The following DYNC1H1 variants were observed in gnomAD, a reference collection of about 807,000 sequenced individuals.
The protein encoded by DYNC1H1 is dynein cytoplasmic 1 heavy chain 1, also known as cytoplasmic dynein 1 heavy chain 1.
A neutral mutation model predicts 527.1 loss-of-function variants in DYNC1H1; 51 were observed. The observed-to-expected ratio is 0.10, with a 90% CI of 0.08 to 0.12. The LOEUF is 0.12. Ranked by LOEUF, DYNC1H1 falls within the 10% of genes least tolerant of loss-of-function variation. DYNC1H1 has a pLI of 1.00. For synonymous variants in DYNC1H1, 2,189 were observed against 2,278.8 expected (o/e 0.96, Z 1.12); for missense variants, 2,771 against 5,971.8 (o/e 0.46, Z 17.66).
Position 101,998,879 on chromosome 14 carries a change from C to CTTTTTTTTTTTTTTTTTTTTTTTTTT in DYNC1H1, c.3805-1090_3805-1089insTTTTTTTTTTTTTTTTTTTTTTTTTT, listed in dbSNP as rs888317854. ...TAATGTGTTAGAGTTAAAACTTTTTCTTTTTTTTTTTTTTTTTTTTGAGAC... is the reference window on the plus strand; with the variant it reads ...TAATGTGTTAGAGTTAAAACTTTTTCTTTTTTTTTTTTTTTTTTTTTTTTTTTTTTTTTTTTTTTTTTTTTTGAGAC... On this transcript the variant is annotated intron_variant, in intron 16 of 77. Transcript: ENST00000360184. Among the ~76,000 whole-genome samples, 9 of 115,214 alleles carry CTTTTTTTTTTTTTTTTTTTTTTTTTT rather than the reference C, an allele frequency of 7.8e-5. 1 individual carries two copies. The highest frequency in any genetic ancestry group is 3.4e-4 in the African/African-American group (9 of 26,550). 75.6% of individuals were successfully genotyped at this position (115,214 alleles called of 152,430 possible). A position where few individuals can be genotyped will look rare whatever the true frequency, so the allele number is the denominator to read the frequency against.
chr14:101,995,883 A>G (rs1217217964), intron 15 of DYNC1H1, among the ~76,000 whole-genome samples: 1 of 151,830 alleles, frequency 6.6e-6, no homozygotes, highest in Non-Finnish European at 1.5e-5. Flanking sequence ...CAACATAGTG[A>G]AACCCCATCT....
At chr14:102,014,986 C>G in intron 34 of DYNC1H1, 119 bp from the exon 35 acceptor site, 1 of 1,189,826 alleles carries the variant, frequency 8.4e-7, no homozygotes, top group Non-Finnish European at 1.2e-6. Context: ...TGGCTACTTT[C>G]TGTATAGGAA....
rs2048497944 is a variant in DYNC1H1, at chr14:102,030,450, C to T, written c.9883+168C>T. ...GCTTTTTCTGAATGCTTGAGATTGT[C>T]TTCATCTCTCAAAGCAAAGTTCCTA... On this transcript the variant is annotated intron_variant, in intron 51 of 77. Coordinates refer to ENST00000360184, the MANE Select transcript of DYNC1H1 (RefSeq NM_001376.5). 3 of 981,984 alleles carry T rather than the reference C, an allele frequency of 3.1e-6. No individual in the cohort carries two copies. The African/African-American group carries it at 4.9e-5, about 16-fold the overall frequency. 60.8% of individuals were successfully genotyped at this position (981,984 alleles called of 1,614,324 possible).
rs565397823 is a variant in DYNC1H1 at position 101,975,427 on chromosome 14, C to T, written c.257-285C>T. ...GCCAGCAGCGGCTAGCACTGCCCAC[C>T]GCCAGGCCCTGTTCCAGTGCTTTCA... is the stretch of plus-strand genomic sequence containing the variant. On this transcript the variant is annotated intron_variant, in intron 1 of 77. Transcript: ENST00000360184. Among the ~76,000 whole-genome samples, 5 of 152,314 alleles carry T rather than the reference C, an allele frequency of 3.3e-5. No individual in the cohort carries two copies. In the South Asian group the frequency reaches 8.3e-4, roughly 25 times the overall value.
chr14:102,050,427 T>C lies in DYNC1H1; in HGVS notation c.13813-8T>C. ...TTAAGCCACCAGTAAACCCCTCTGC[T>C]TCTGCAGGTAACCTTACCTGTCTAC... is the stretch of plus-strand genomic sequence containing the variant. On this transcript the variant is annotated splice_polypyrimidine_tract_variant and splice_region_variant and intron_variant, in intron 77 of 77. Transcript: ENST00000360184. 1.9e-6 allele frequency: 3 copies of C among 1,614,188 alleles called. No individual in the cohort carries two copies. The South Asian group carries it at 3.3e-5, about 18-fold the overall frequency.
At chr14:102,043,567 G>A in intron 69 of DYNC1H1, 2 of 411,092 alleles carry the variant, frequency 4.9e-6, no homozygotes, top group Non-Finnish European at 9.2e-6. Context: ...GGGGGATTGT[G>A]GCAGGGGTTT....
chr14:102,003,962 C>T (rs1020791847), intron 23 of DYNC1H1, among the ~76,000 whole-genome samples: 5 of 150,382 alleles, frequency 3.3e-5, no homozygotes, highest in African/African-American at 1.2e-4. Flanking sequence ...AACTTACTGG[C>T]CCGGCGCGGT....
Position 102,016,018 on chromosome 14 carries a change from G to A in DYNC1H1, c.7405G>A (p.Val2469Met), listed in dbSNP as rs2152582047. 3 of 1,613,742 alleles carry A rather than the reference G, an allele frequency of 1.9e-6. No individual in the cohort carries two copies. Among genetic ancestry groups the A allele is most frequent in the Non-Finnish European group, 1.7e-6 (2 of 1,179,966 alleles). Residue 2469 changes from valine to methionine, a missense_variant, in exon 36 of 78, where the codon GTG becomes ATG. By Grantham distance (21) the Val-to-Met change is conservative. Coordinates refer to ENST00000360184, the MANE Select transcript of DYNC1H1 (RefSeq NM_001376.5). This position sits in a 1 kb window ranked among gnomAD's most constrained non-coding sequence, Gnocchi z 7.3. ...CATGCTGCACCAGGCCTGCCGCAAC[G>A]TGGCGCAGTATAACGCCAACCATCC... ...FSMLHQACRNVAQYNANHPDF... is the reference protein window; with the variant it reads ...FSMLHQACRNMAQYNANHPDF...
In DYNC1H1 at chr14:101,997,755, T is replaced by C. The variant is rs1421900914; in HGVS notation, c.3804+481T>C. 2.6e-5 allele frequency among the ~76,000 whole-genome samples: 4 copies of C among 152,214 alleles called. No homozygotes were observed. Among genetic ancestry groups the C allele is most frequent in the Non-Finnish European group, 5.9e-5 (4 of 68,030 alleles). Reference sequence around the variant, plus strand: ...CCACTTTTCTTCATGCATTGAAGTATTTATTGAGCACCGACTGTGTTCCAG... The same window carrying C: ...CCACTTTTCTTCATGCATTGAAGTACTTATTGAGCACCGACTGTGTTCCAG... On this transcript the variant is annotated intron_variant, in intron 16 of 77. Coordinates refer to ENST00000360184, the MANE Select transcript of DYNC1H1 (RefSeq NM_001376.5). The surrounding 1 kb of genome is among the most constrained non-coding windows in gnomAD (Gnocchi z 4.8).
intron 2 of DYNC1H1, among the ~76,000 whole-genome samples, chr14:101,976,819 G>A (rs1359982328): frequency 1.3e-5 from 2 of 151,906 alleles, no homozygotes; most frequent in Non-Finnish European, 2.9e-5. Context: ...AATATTTGCG[G>A]GAAAAAAGCA....
At chr14:101,973,392 T>C (rs2047761998) in intron 1 of DYNC1H1, among the ~76,000 whole-genome samples, 1 of 152,024 alleles carries the variant, frequency 6.6e-6, no homozygotes, top group Non-Finnish European at 1.5e-5. Flanking sequence ...ACTCCTGACT[T>C]GAAGTGATCT....
chr14:101,973,004 T>A (rs569962956), intron 1 of DYNC1H1, among the ~76,000 whole-genome samples: 6 of 152,268 alleles, frequency 3.9e-5, no homozygotes, highest in Non-Finnish European at 8.8e-5. Context: ...TGATTTCTCT[T>A]GTGGTCTAGC....
chr14:101,987,046 C>G (rs915755794), intron 8 of DYNC1H1, among the ~76,000 whole-genome samples: 5 of 152,242 alleles, frequency 3.3e-5, no homozygotes, highest in African/African-American at 1.2e-4. Flanking sequence ...GCTGCTACAG[C>G]TGAAAGCAGA....
rs2048772116 is a variant in DYNC1H1 at position 102,049,338 on chromosome 14, C to T, written c.13373-102C>T. 3 of 1,571,606 alleles carry T rather than the reference C, an allele frequency of 1.9e-6. No homozygotes were observed. The highest frequency in any genetic ancestry group is 1.7e-6 in the Non-Finnish European group (2 of 1,155,880). ...GGCAGTAGGTGGAGCCGCCAGCCGC[C>T]TGTGTGGGCAGCCAGGATGCCTAGC... On this transcript the variant is annotated intron_variant, in intron 74 of 77. Transcript: ENST00000360184. The surrounding 1 kb of genome is among the most constrained non-coding windows in gnomAD (Gnocchi z 5.5).
rs1436162724 is a variant in DYNC1H1, at chr14:102,039,954, C to T, written c.11690+222C>T. Among the ~76,000 whole-genome samples the T allele has an allele frequency of 2.0e-5, 3 of 152,236 alleles. No individual in the cohort carries two copies. The highest frequency in any genetic ancestry group is 2.9e-5 in the Non-Finnish European group (2 of 68,050). ...CCAGGTTCAAGCAATTCTCCTGCTT[C>T]AGTCTCCGAAGTAGCTAGGACTATA... On this transcript the variant is annotated intron_variant, in intron 62 of 77. Transcript: ENST00000360184. This position sits in a 1 kb window ranked among gnomAD's most constrained non-coding sequence, Gnocchi z 7.0.
rs2047648052 is a variant in DYNC1H1, at chr14:101,964,962, AG to A, written c.256+18del. ...CACGCTCAAAGGTGCGGGGCCGCGG[AG>A]GGCAGGGTCGCCAGAGCCAGGCCTC... On this transcript the variant is annotated intron_variant, in intron 1 of 77. Transcript: ENST00000360184. This position sits in a 1 kb window ranked among gnomAD's most constrained non-coding sequence, Gnocchi z 5.5. 6.3e-7 allele frequency: 1 copy of A among 1,585,658 alleles called. No homozygotes were observed. Among genetic ancestry groups the A allele is most frequent in the Non-Finnish European group, 8.6e-7 (1 of 1,167,424 alleles).
rs763755699 is a variant in DYNC1H1 at position 102,039,630 on chromosome 14, T to C, written c.11596-8T>C. 8 of 1,614,014 alleles carry C rather than the reference T, an allele frequency of 5.0e-6. No individual in the cohort carries two copies. The highest frequency in any genetic ancestry group is 6.8e-6 in the Non-Finnish European group (8 of 1,180,034). The stretch of plus-strand genomic sequence containing the variant: ...ATGGAACAACATCGTCTCCTGCTCT[T>C]GTCCCAGGTGGCGTTTAACCGAGTG... On this transcript the variant is annotated splice_polypyrimidine_tract_variant and splice_region_variant and intron_variant, in intron 61 of 77. Transcript: ENST00000360184. This position sits in a 1 kb window ranked among gnomAD's most constrained non-coding sequence, Gnocchi z 7.0.
chr14:102,035,334 G>A (rs2048561588), intron 56 of DYNC1H1: 1 of 152,280 alleles, frequency 6.6e-6, no homozygotes, highest in African/African-American at 2.4e-5. Flanking sequence ...TAAAGGGGAA[G>A]TACTACCTGT....
At chr14:101,966,327 G>A (rs535041547) in intron 1 of DYNC1H1, among the ~76,000 whole-genome samples, 3 of 152,024 alleles carry the variant, frequency 2.0e-5, no homozygotes, top group East Asian at 1.9e-4. Flanking sequence ...AACCATTTGA[G>A]CATATTTAGA....
Sources: gnomAD v4.1 joint callset for allele counts (sites outside exome capture counted in the v4.1 genomes callset) on GRCh38, gnomAD v4.1.1 for gene constraint, Gnocchi (gnomAD v3.1) non-coding constraint, MANE v1.5 for transcripts, NCBI Gene and HGNC (gene_info 2026-07-23, HGNC 2026-07-21) for gene names.